CALCRL: variants seen among roughly 807,000 people sequenced by gnomAD.
CALCRL encodes calcitonin gene-related peptide type 1 receptor.
A neutral mutation model predicts 60.4 loss-of-function variants in CALCRL; 27 were observed. The observed-to-expected ratio is 0.45, with a 90% CI of 0.33 to 0.62. The LOEUF is 0.62. Ranked by LOEUF, CALCRL falls within the 20% of genes least tolerant of loss-of-function variation. The pLI is 0.03. For missense variants in CALCRL, 424 were observed against 540.7 expected, an observed-to-expected ratio of 0.78 and a Z score of 2.14; for synonymous variants, 190 against 182.6, an observed-to-expected ratio of 1.04 and a Z score of -0.33.
At position 187,422,244 on chromosome 2, in the gene CALCRL, G is replaced by A. The variant is rs568082993; in HGVS notation, c.-293+25795C>T. 3.0e-4 allele frequency among the ~76,000 whole-genome samples: 45 copies of A among 152,260 alleles called. No individual in the cohort carries two copies. The South Asian group carries it at 8.5e-3, about 29-fold the overall frequency. On this transcript the variant is annotated intron_variant, in intron 1 of 14. Transcript: ENST00000392370. ...TTCAGGCAGATTAAAAAATCAATGA[G>A]TTTTAAAAATTACATTTAATGAACA...
chr2:187,430,172 G>T (rs1052372196), intron 1 of CALCRL, among the ~76,000 whole-genome samples: 2 of 152,188 alleles, frequency 1.3e-5, no homozygotes, highest in African/African-American at 4.8e-5. Context: ...CATGTGAAAT[G>T]AAATGTGCAA....
At chr2:187,436,103 A>G in intron 1 of CALCRL, among the ~76,000 whole-genome samples, 1 of 152,232 alleles carries the variant, frequency 6.6e-6, no homozygotes, top group Non-Finnish European at 1.5e-5. Flanking sequence ...ATTTATAGTT[A>G]TTATTTAGTT....
chr2:187,351,728 C>G (rs1252863483), intron 14 of CALCRL, among the ~76,000 whole-genome samples, 192 bp downstream of exon 14: 1 of 151,718 alleles, frequency 6.6e-6, no homozygotes, highest in South Asian at 2.1e-4. Flanking sequence ...GCTTTGAACT[C>G]CAATATGACC....
intron 9 of CALCRL, among the ~76,000 whole-genome samples, chr2:187,362,452 A>T (rs776596199): frequency 2.6e-5 from 4 of 152,044 alleles, no homozygotes; most frequent in Admixed American, 1.3e-4. Context: ...GAATTTTGAA[A>T]ATTACTCTAA....
At chr2:187,442,445 A>G (rs1270699498) in intron 1 of CALCRL, among the ~76,000 whole-genome samples, 2 of 151,806 alleles carry the variant, frequency 1.3e-5, no homozygotes, top group African/African-American at 4.8e-5. Flanking sequence ...AAAATATTCA[A>G]TGATAAATTC....
chr2:187,431,660 G>A (rs1420441823), intron 1 of CALCRL, among the ~76,000 whole-genome samples: 1 of 151,870 alleles, frequency 6.6e-6, no homozygotes, highest in Non-Finnish European at 1.5e-5. Context: ...GTTCTTTAAG[G>A]TCTTGGCCCT....
chr2:187,413,112 T>G (rs1055530596), intron 1 of CALCRL, among the ~76,000 whole-genome samples: 1 of 152,184 alleles, frequency 6.6e-6, no homozygotes, highest in African/African-American at 2.4e-5. Context: ...AAGGCTGGAA[T>G]GCTTAGGGTT....
chr2:187,385,577 G>T lies in CALCRL; in HGVS notation c.19C>A (p.Leu7Met). The change falls in exon 4 of 15, where the codon CTG becomes ATG. Residue 7 changes from leucine to methionine, a missense_variant. Transcript: ENST00000392370. Reference protein sequence around the residue: MEKKCTLYFLVLLPFFM... With the variant: MEKKCTMYFLVLLPFFM... ...AAAGGCAAGAGAACCAGAAAATACAGGGTACACTTTTTCTCCATCATTAAG... is the reference window on the plus strand; with the variant it reads ...AAAGGCAAGAGAACCAGAAAATACATGGTACACTTTTTCTCCATCATTAAG... 1 of 1,562,644 alleles carries T rather than the reference G, an allele frequency of 6.4e-7. No homozygotes were observed. The highest frequency in any genetic ancestry group is 1.8e-5 in the Admixed American group (1 of 56,192).
At chr2:187,360,173 G>A (rs1170861881) in intron 10 of CALCRL, among the ~76,000 whole-genome samples, 1 of 151,890 alleles carries the variant, frequency 6.6e-6, no homozygotes. Flanking sequence ...TACTCTTACC[G>A]TAAAATGACA....
At chr2:187,365,317 CAT>C (rs1687230712) in intron 8 of CALCRL, among the ~76,000 whole-genome samples, 2 of 152,078 alleles carry the variant, frequency 1.3e-5, no homozygotes, top group Non-Finnish European at 1.5e-5. Flanking sequence ...AAGTTATAGA[CAT>C]ATAACATTTG....
At chr2:187,353,742 T>C (rs1453109359) in intron 12 of CALCRL, among the ~76,000 whole-genome samples, 1 of 151,962 alleles carries the variant, frequency 6.6e-6, no homozygotes, top group Non-Finnish European at 1.5e-5. Context: ...TAAGCATCCA[T>C]TGCTCTTTAA....
intron 14 of CALCRL, among the ~76,000 whole-genome samples, chr2:187,348,505 A>T (rs1686385646): frequency 6.6e-6 from 1 of 151,608 alleles, no homozygotes; most frequent in African/African-American, 2.4e-5. Flanking sequence ...CTGTGAGTCT[A>T]GTACTTATAG....
At chr2:187,437,227 T>A (rs750976080) in intron 1 of CALCRL, among the ~76,000 whole-genome samples, 1 of 152,144 alleles carries the variant, frequency 6.6e-6, no homozygotes, top group African/African-American at 2.4e-5. Context: ...TTAAATTCAA[T>A]TTTAAAAACA....
chr2:187,441,459 A>G (rs1690902890), intron 1 of CALCRL, among the ~76,000 whole-genome samples: 2 of 151,952 alleles, frequency 1.3e-5, no homozygotes, highest in Non-Finnish European at 2.9e-5. Context: ...TTGTCTTTAC[A>G]TAACATGGAA....
intron 1 of CALCRL, among the ~76,000 whole-genome samples, chr2:187,442,488 T>C (rs1254588473): frequency 6.6e-6 from 1 of 151,584 alleles, no homozygotes; most frequent in Admixed American, 6.6e-5. Context: ...AAAACCTAAA[T>C]TTTTTTTGCC....
At chr2:187,429,336 T>C (rs1177660035) in intron 1 of CALCRL, among the ~76,000 whole-genome samples, 1 of 152,202 alleles carries the variant, frequency 6.6e-6, no homozygotes, top group Admixed American at 6.5e-5. Context: ...TGGTATTTTA[T>C]TTCTAGCTAT....
chr2:187,443,035 T>C (rs1690995028), intron 1 of CALCRL, among the ~76,000 whole-genome samples: 2 of 152,030 alleles, frequency 1.3e-5, no homozygotes, highest in East Asian at 1.9e-4. Context: ...AATTTTTGTT[T>C]AATATACCTT....
At chr2:187,385,843 C>T (rs967981043) in intron 3 of CALCRL, among the ~76,000 whole-genome samples, 7 of 152,074 alleles carry the variant, frequency 4.6e-5, no homozygotes, top group East Asian at 1.9e-4. Flanking sequence ...CTGGACTTCC[C>T]GAGTTCAAGC....
At chr2:187,377,054 A>G (rs1574247032) in intron 8 of CALCRL, among the ~76,000 whole-genome samples, 1 of 152,262 alleles carries the variant, frequency 6.6e-6, no homozygotes, top group East Asian at 1.9e-4. Context: ...AATCTAAAAG[A>G]TAAATACATT....
Sources: allele counts gnomAD v4.1 joint callset (sites outside exome capture counted in the v4.1 genomes callset), GRCh38; gene constraint gnomAD v4.1.1; transcripts MANE v1.5; gene names NCBI Gene and HGNC (gene_info 2026-07-23, HGNC 2026-07-21).